Variants in EP300 observed in about 807,000 individuals in gnomAD.
EP300 encodes EP300 lysine acetyltransferase.
Under a neutral mutation model 264.0 loss-of-function variants are expected in EP300, and 31 were observed. The ratio of observed to expected loss-of-function variants is 0.12; its 90% confidence interval spans 0.09 to 0.16. The LOEUF (loss-of-function observed/expected upper bound fraction) is 0.16, where lower values mean the gene tolerates loss of function less well. Among genes scored for constraint, EP300 ranks in the 10% least tolerant of loss-of-function variants. The pLI is 1.00. For synonymous variants in EP300, 1,340 were observed against 1,045.4 expected, an observed-to-expected ratio of 1.28 and a Z score of -5.44; for missense variants, 2,766 against 3,052.9, an observed-to-expected ratio of 0.91 and a Z score of 2.21.
chr22:41,145,663 G>A (rs199903343), intron 10 of EP300, among the ~76,000 whole-genome samples: 2 of 152,142 alleles, frequency 1.3e-5, no homozygotes, highest in African/African-American at 4.8e-5. Context: ...TCGCTCTGTC[G>A]CCCAGGCTGG....
chr22:41,177,393 C>T lies in EP300; in HGVS notation c.5682C>T (p.Gly1894=), dbSNP rs1475050569. 6 of 1,614,104 alleles carry T rather than the reference C, an allele frequency of 3.7e-6. No homozygotes were observed. Among genetic ancestry groups the T allele is most frequent in the East Asian group, 4.5e-5 (2 of 44,870 alleles). ...PPYLPRTQAA[G]PVSQGKAAGQ... ...ACTTGCCCAGGACTCAAGCTGCTGG[C>T]CCTGTGTCCCAGGGTAAGGCAGCAG... Residue 1894 remains glycine (G), a synonymous_variant, in exon 31 of 31, where the codon GGC becomes GGT. Transcript: ENST00000263253.
Position 41,125,880 on chromosome 22 carries a change from A to T in EP300, c.746A>T (p.Asn249Ile), listed in dbSNP as rs200732771. The change falls in exon 3 of 31, where the codon AAC (asparagine) becomes ATC (isoleucine). Residue 249 changes from asparagine (N) to isoleucine (I), a missense_variant. Coordinates refer to ENST00000263253, the MANE Select transcript of EP300 (RefSeq NM_001429.4). Reference protein sequence around the residue: ...PQPLKMGMMNNPNPYGSPYTQ... With the variant: ...PQPLKMGMMNIPNPYGSPYTQ... ...TACTCTTAGATGGGAATGATGAACA[A>T]CCCCAATCCTTATGGTTCACCATAT... 1.2e-6 allele frequency: 2 copies of T among 1,614,032 alleles called. No homozygotes were observed.
intron 1 of EP300, among the ~76,000 whole-genome samples, chr22:41,110,594 G>A (rs1430319817): frequency 1.3e-5 from 2 of 151,870 alleles, no homozygotes; most frequent in African/African-American, 4.8e-5. Flanking sequence ...TACCACATCC[G>A]GCCTATATCC....
chr22:41,176,176 C>T (rs1004315298), intron 29 of EP300, 71 bp from the exon 30 acceptor site: 11 of 1,573,500 alleles, frequency 7.0e-6, no homozygotes, highest in African/African-American at 4.0e-5. Flanking sequence ...GCCAAGATCA[C>T]GCCACTGCAT....
chr22:41,102,116 A>G (rs909983032), intron 1 of EP300, among the ~76,000 whole-genome samples: 1 of 150,754 alleles, frequency 6.6e-6, no homozygotes, highest in Non-Finnish European at 1.5e-5. Flanking sequence ...AATTTGAAGA[A>G]TACTGGCGTA....
intron 3 of EP300, chr22:41,126,273 G>T: frequency 6.0e-6 from 3 of 501,708 alleles, no homozygotes; most frequent in Non-Finnish European, 1.1e-5. Flanking sequence ...AGGAGTAAGT[G>T]AACTGCTACA....
At chr22:41,167,620 ATATATATATATATAT>A (rs2059145519) in intron 23 of EP300, among the ~76,000 whole-genome samples, 1 of 52,740 alleles carries the variant, frequency 1.9e-5, no homozygotes, top group Non-Finnish European at 4.2e-5. Context: ...ATATATATAT[ATATATATATATATAT>A]AATGTTTGGT....
intron 2 of EP300, 95 bp from the exon 3 acceptor site, chr22:41,125,769 A>G (rs2058878411): frequency 7.4e-7 from 1 of 1,348,742 alleles, no homozygotes; most frequent in Non-Finnish European, 1.0e-6. Flanking sequence ...TTCCTTTGAA[A>G]CTGTCTTTGT....
intron 27 of EP300, 101 bp from the exon 28 acceptor site, chr22:41,172,398 C>T: frequency 1.8e-6 from 2 of 1,102,760 alleles, no homozygotes; most frequent in Non-Finnish European, 2.7e-6. Context: ...GCTTTCAAGA[C>T]ATTTTAAGCT....
chr22:41,093,203 C>A, intron 1 of EP300, 105 bp downstream of exon 1: 1 of 1,133,056 alleles, frequency 8.8e-7, no homozygotes, highest in African/African-American at 1.6e-5. Context: ...TAGTTCCCTG[C>A]CCCTTAATTA....
intron 4 of EP300, among the ~76,000 whole-genome samples, chr22:41,128,576 C>T (rs926377355): frequency 3.3e-5 from 5 of 152,222 alleles, no homozygotes; most frequent in Admixed American, 2.6e-4. Context: ...GGCACAATCT[C>T]GGCTCACTGC....
intron 10 of EP300, 34 bp from the exon 11 acceptor site, chr22:41,146,705 G>A (rs2145732137): frequency 6.3e-7 from 1 of 1,595,280 alleles, no homozygotes; most frequent in Non-Finnish European, 8.6e-7. Flanking sequence ...AGGGAAGATG[G>A]TGCAAAGATA....
chr22:41,111,789 T>C (rs1205820584), intron 1 of EP300, among the ~76,000 whole-genome samples: 1 of 151,812 alleles, frequency 6.6e-6, no homozygotes, highest in Non-Finnish European at 1.5e-5. Flanking sequence ...AACGCCTGCC[T>C]TGGCCTGCTA....
At chr22:41,160,430 A>AC (rs398037213) in intron 19 of EP300, 16 of 510,192 alleles carry the variant, frequency 3.1e-5, no homozygotes, top group African/African-American at 3.0e-4. Context: ...AAAAAAAAAA[A>AC]CAAAAAAAAA....
At position 41,169,489 on chromosome 22, in the gene EP300, T is replaced by A. The variant is rs373522993; in HGVS notation, c.4173-14T>A. ...ACTTTTTTTTTCCTCTTCATTTCTC[T>A]TCATTTTGTATAGGAGAGTATACAT... On this transcript the variant is annotated splice_polypyrimidine_tract_variant and intron_variant, in intron 25 of 30. Coordinates refer to ENST00000263253, the MANE Select transcript of EP300 (RefSeq NM_001429.4). The A allele has an allele frequency of 3.9e-6, 6 of 1,555,004 alleles. No homozygotes were observed. The highest frequency in any genetic ancestry group is 1.7e-5 in the Admixed American group (1 of 59,938).
chr22:41,150,847 C>T (rs921165025), intron 14 of EP300, among the ~76,000 whole-genome samples: 9 of 150,460 alleles, frequency 6.0e-5, no homozygotes, highest in Non-Finnish European at 8.8e-5. Flanking sequence ...TCCGAGATTG[C>T]GCCACTGCAC....
rs533875300 is a variant in EP300, at chr22:41,178,506, TCAG to T, written c.6798_6800del (p.Gln2268del). The T allele has an allele frequency of 3.8e-3, 6,096 of 1,613,788 alleles. 15 individuals carry two copies. The highest frequency in any genetic ancestry group is 4.8e-3 in the Non-Finnish European group (5,646 of 1,179,926). On this transcript the variant is annotated inframe_deletion, in exon 31 of 31. Coordinates refer to ENST00000263253, the MANE Select transcript of EP300 (RefSeq NM_001429.4). ...TACAGGCCTATCAGCAGCGACTCCT[TCAG>T]CAACAGATGGGGTCCCCTGTTCAGC... is the stretch of plus-strand genomic sequence containing the variant.
chr22:41,149,736 C>G (rs372834220), intron 13 of EP300, 25 bp from the exon 14 acceptor site: 37 of 1,611,294 alleles, frequency 2.3e-5, no homozygotes, highest in South Asian at 1.1e-5. Flanking sequence ...GAATTGCTGT[C>G]TTGTTATGTT....
chr22:41,099,112 T>G (rs1456422765), intron 1 of EP300, among the ~76,000 whole-genome samples: 2 of 152,176 alleles, frequency 1.3e-5, no homozygotes, highest in Non-Finnish European at 2.9e-5. Flanking sequence ...TTGCCCAAGC[T>G]GGAGTACAGT....
Sources: gnomAD v4.1 joint callset for allele counts (sites outside exome capture counted in the v4.1 genomes callset) on GRCh38, gnomAD v4.1.1 for gene constraint, MANE v1.5 for transcripts, NCBI Gene and HGNC (gene_info 2026-07-23, HGNC 2026-07-21) for gene names.